The following POPDC3 variants were observed in gnomAD, a reference collection of about 807,000 sequenced individuals.
The protein encoded by POPDC3 is popeye domain cAMP effector 3.
Under a neutral mutation model 28.2 loss-of-function variants are expected in POPDC3, and 20 were observed. The observed-to-expected ratio is 0.71, with a 90% confidence interval of 0.50 to 1.03. The LOEUF (loss-of-function observed/expected upper bound fraction) is 1.03. POPDC3 is among the 50% of genes least tolerant of loss of function. The probability of loss-of-function intolerance (pLI) is 0.00; values close to 1 mark genes in which losing one functional copy is unlikely to be tolerated. For synonymous variants in POPDC3, 118 were observed against 124.1 expected (o/e 0.95, Z 0.33); for missense variants, 316 against 345.9 (o/e 0.91, Z 0.69).
rs1276213981 is a variant in POPDC3 at position 105,161,847 on chromosome 6, C to G, written c.63G>C (p.Trp21Cys). The change falls in exon 2 of 4, where the codon TGG (tryptophan) becomes TGC (cysteine). Residue 21 changes from tryptophan to cysteine, a missense_variant. Trp to Cys is a radical substitution (Grantham distance 215). Transcript: ENST00000254765. Reference protein sequence around the residue: ...LIDEHPVCTTWKQEAEGAIYH... With the variant: ...LIDEHPVCTTCKQEAEGAIYH... ...AAATGGCTCCTTCGGCCTCTTGCTT[C>G]CAGGTTGTGCAGACTGGGTGTTCAT... The G allele has an allele frequency of 4.3e-6, 7 of 1,613,846 alleles. No homozygotes were observed. The highest frequency in any genetic ancestry group is 5.9e-6 in the Non-Finnish European group (7 of 1,179,970).
At chr6:105,167,329 A>G (rs1006142640) in intron 1 of POPDC3, among the ~76,000 whole-genome samples, 1 of 152,214 alleles carries the variant, frequency 6.6e-6, no homozygotes, top group Non-Finnish European at 1.5e-5. Context: ...GGATAAAGGG[A>G]GAGAGATTTA....
rs1355395294 is a variant in POPDC3, at chr6:105,161,761, A to G, written c.149T>C (p.Leu50Pro). The change falls in exon 2 of 4, where the codon CTC (leucine) becomes CCC (proline). Residue 50 changes from leucine (L) to proline (P), a missense_variant. Coordinates refer to ENST00000254765, the MANE Select transcript of POPDC3 (RefSeq NM_022361.5). ...GFMGGSGFFGLLYVFSLLGLG... is the reference protein window; with the variant it reads ...GFMGGSGFFGPLYVFSLLGLG... ...CCCCAGCAAACTGAAGACATAAAGG[A>G]GCCCGAAGAATCCACTGCCACCCAT... The G allele has an allele frequency of 1.2e-6, 2 of 1,614,228 alleles. No individual in the cohort carries two copies. Among genetic ancestry groups the G allele is most frequent in the Admixed American group, 3.3e-5 (2 of 60,026 alleles).
intron 1 of POPDC3, among the ~76,000 whole-genome samples, chr6:105,176,706 G>C (rs932701820): frequency 1.3e-5 from 2 of 152,062 alleles, no homozygotes; most frequent in South Asian, 2.1e-4. Context: ...GCAGGCGCAC[G>C]CAACCACGCC....
At chr6:105,165,249 G>A (rs1774433006) in intron 1 of POPDC3, among the ~76,000 whole-genome samples, 1 of 152,172 alleles carries the variant, frequency 6.6e-6, no homozygotes, top group African/African-American at 2.4e-5. Flanking sequence ...GCTTTGCCAA[G>A]AAAATAAAAA....
intron 1 of POPDC3, among the ~76,000 whole-genome samples, chr6:105,168,524 T>C (rs572902506): frequency 4.2e-4 from 64 of 152,350 alleles, no homozygotes; most frequent in African/African-American, 1.4e-3. Context: ...CTACCCATGA[T>C]TGATCTCTCA....
intron 2 of POPDC3, 138 bp downstream of exon 2, chr6:105,161,287 A>G (rs1582989006): frequency 2.4e-6 from 2 of 842,586 alleles, no homozygotes; most frequent in Non-Finnish European, 3.7e-6. Flanking sequence ...CTGTGACTCA[A>G]GTATCAAAGA....
At chr6:105,163,804 T>TA (rs1172557724) in intron 1 of POPDC3, 1 of 152,180 alleles carries the variant, frequency 6.6e-6, no homozygotes, top group Non-Finnish European at 1.5e-5. Flanking sequence ...AAAAAAAGCT[T>TA]AGACTTACAA....
At chr6:105,168,222 C>T (rs566668902) in intron 1 of POPDC3, among the ~76,000 whole-genome samples, 1 of 152,316 alleles carries the variant, frequency 6.6e-6, no homozygotes, top group East Asian at 1.9e-4. Context: ...CACCTTTTTC[C>T]TTTTGCCTGA....
intron 1 of POPDC3, chr6:105,169,580 T>C (rs1349915582): frequency 3.3e-5 from 5 of 152,200 alleles, no homozygotes; most frequent in African/African-American, 9.7e-5. Flanking sequence ...TATTCAGAGA[T>C]TGACCCTCAA....
rs568774680 is a variant in POPDC3 at position 105,169,008 on chromosome 6, G to A, written c.-251-6848C>T. 9.9e-5 allele frequency: 15 copies of A among 152,258 alleles called. No individual in the cohort carries two copies. The East Asian group carries it at 2.1e-3, about 22-fold the overall frequency. 9.4% of individuals were successfully genotyped at this position (152,258 alleles called of 1,614,324 possible). A position where few individuals can be genotyped will look rare whatever the true frequency, so the allele number is the denominator to read the frequency against. ...GTCTGACACCTTGACTGCAGGCTTGGGAGGTCCTGAGCAGAAGATCCAGTT... is the reference window on the plus strand; with the variant it reads ...GTCTGACACCTTGACTGCAGGCTTGAGAGGTCCTGAGCAGAAGATCCAGTT... On this transcript the variant is annotated intron_variant, in intron 1 of 3. Transcript: ENST00000254765.
Position 105,159,834 on chromosome 6 carries a change from G to A in POPDC3, c.486-15C>T. 3 of 1,518,436 alleles carry A rather than the reference G, an allele frequency of 2.0e-6. No homozygotes were observed. Among genetic ancestry groups the A allele is most frequent in the Non-Finnish European group, 2.7e-6 (3 of 1,103,890 alleles). The allele number at this position is 1,518,436 out of a possible 1,614,324, so 94.1% of individuals were successfully genotyped here. ...TCACTCTGATCCTATCAAAACACAA[G>A]AACAACATTTATAAGGGAAGGAGAA... On this transcript the variant is annotated splice_polypyrimidine_tract_variant and intron_variant, in intron 2 of 3. Transcript: ENST00000254765.
intron 1 of POPDC3, chr6:105,178,697 A>AT (rs1774727045): frequency 2.0e-6 from 2 of 982,696 alleles, no homozygotes; most frequent in Non-Finnish European, 2.4e-6. Flanking sequence ...CTGAGATCCA[A>AT]TTTTTTGTTT....
intron 2 of POPDC3, among the ~76,000 whole-genome samples, chr6:105,161,094 TAAGTA>T (rs1774316338): frequency 6.6e-6 from 1 of 152,230 alleles, no homozygotes. Context: ...CACGCCAATA[TAAGTA>T]TTCTATTAAT....
At position 105,161,670 on chromosome 6, in the gene POPDC3, C is replaced by T; in HGVS notation, c.240G>A (p.Trp80Ter). ...AGCAGATGACAAACAGTACAAAATT[C>T]CAGGAAAATATGTCAGCTGCACAGA... ...VDVCAADIFS[W>*]NFVLFVICFM... The change falls in exon 2 of 4, where the codon TGG (tryptophan) becomes TGA (stop). Residue 80 changes from tryptophan (W) to a stop codon, truncating the protein, a stop_gained. Transcript: ENST00000254765. LOFTEE classifies it high-confidence loss of function. 1.2e-6 allele frequency: 2 copies of T among 1,614,096 alleles called. No individual in the cohort carries two copies. Among genetic ancestry groups the T allele is most frequent in the Non-Finnish European group, 1.7e-6 (2 of 1,180,022 alleles).
At chr6:105,163,551 T>G (rs531433581) in intron 1 of POPDC3, 1 of 152,234 alleles carries the variant, frequency 6.6e-6, no homozygotes, top group South Asian at 2.1e-4. Context: ...ATAGATTATT[T>G]CCAGCACACC....
At chr6:105,179,588 G>T (rs1774744221) in intron 1 of POPDC3, among the ~76,000 whole-genome samples, 1 of 152,106 alleles carries the variant, frequency 6.6e-6, no homozygotes. Context: ...GGATCCCCTA[G>T]ACCTCCGAGC....
At chr6:105,164,945 A>C (rs1282320515) in intron 1 of POPDC3, among the ~76,000 whole-genome samples, 2 of 152,264 alleles carry the variant, frequency 1.3e-5, no homozygotes, top group African/African-American at 4.8e-5. Flanking sequence ...AATGCAAAGT[A>C]AACCTGCTGG....
chr6:105,162,993 C>T (rs1431736443), intron 1 of POPDC3, among the ~76,000 whole-genome samples: 12 of 152,164 alleles, frequency 7.9e-5, no homozygotes, highest in Admixed American at 5.9e-4. Flanking sequence ...AGAACTTTGG[C>T]GCTCATGCCC....
At chr6:105,161,336 T>TA in intron 2 of POPDC3, 89 bp downstream of exon 2, 1 of 1,459,996 alleles carries the variant, frequency 6.8e-7, no homozygotes, top group Non-Finnish European at 9.2e-7. Flanking sequence ...CACCCAGGAC[T>TA]ATGTGATACT....
Sources: gnomAD v4.1 joint callset for allele counts (sites outside exome capture counted in the v4.1 genomes callset) on GRCh38, gnomAD v4.1.1 for gene constraint, MANE v1.5 for transcripts, NCBI Gene and HGNC (gene_info 2026-07-23, HGNC 2026-07-21) for gene names.